FGF14: variants seen among roughly 807,000 people sequenced by gnomAD.
FGF14 encodes the protein fibroblast growth factor 14.
A neutral mutation model predicts 25.5 loss-of-function variants in FGF14; 5 were observed. That is an observed-to-expected ratio of 0.20 (90% CI 0.10 to 0.41). The LOEUF is 0.41. FGF14 is among the 10% of genes least tolerant of loss of function. The probability of loss-of-function intolerance (pLI) is 1.00; values close to 1 mark genes in which losing one functional copy is unlikely to be tolerated. For missense variants in FGF14, 222 were observed against 320.1 expected, an observed-to-expected ratio of 0.69 and a Z score of 2.34; for synonymous variants, 138 against 118.3, an observed-to-expected ratio of 1.17 and a Z score of -1.08.
intron 1 of FGF14, among the ~76,000 whole-genome samples, chr13:102,372,115 A>G (rs930493236): frequency 6.6e-6 from 1 of 152,170 alleles, no homozygotes; most frequent in African/African-American, 2.4e-5. Context: ...ATCCATTTTA[A>G]TGCTATAATT....
intron 1 of FGF14, among the ~76,000 whole-genome samples, chr13:102,307,685 CCAAT>C (rs779526246): frequency 5.3e-4 from 80 of 152,188 alleles, no homozygotes; most frequent in Non-Finnish European, 8.5e-4. Flanking sequence ...AGGCACTGTA[CCAAT>C]CATTTTCATG....
chr13:101,714,650 C>A lies in FGF14; in HGVS notation c.*8181G>T. ...GCTTTAGGTGGCTGGACCAACAGGGCCAACCGTGAATATGAAATATCTACC... is the reference window on the plus strand; with the variant it reads ...GCTTTAGGTGGCTGGACCAACAGGGACAACCGTGAATATGAAATATCTACC... On this transcript the variant is annotated 3_prime_UTR_variant, in exon 5 of 5. Transcript: ENST00000376143. 1.3e-6 allele frequency: 1 copy of A among 745,818 alleles called. No individual in the cohort carries two copies. The highest frequency in any genetic ancestry group is 1.6e-5 in the South Asian group (1 of 62,236). The allele number at this position is 745,818 out of a possible 1,614,324, so 46.2% of individuals were successfully genotyped here.
At chr13:101,966,847 C>T (rs916305833) in intron 1 of FGF14, among the ~76,000 whole-genome samples, 1 of 152,112 alleles carries the variant, frequency 6.6e-6, no homozygotes, top group Non-Finnish European at 1.5e-5. Context: ...ATACAGAAGA[C>T]AGAAGGATCG....
rs116719699 is a variant in FGF14, at chr13:102,043,517, G to A, written c.209-168221C>T. 1.1e-3 allele frequency among the ~76,000 whole-genome samples: 162 copies of A among 152,254 alleles called. 1 individual carries two copies. Among genetic ancestry groups the A allele is most frequent in the African/African-American group, 3.6e-3 (150 of 41,558 alleles). On this transcript the variant is annotated intron_variant, in intron 1 of 4. Coordinates refer to the FGF14 transcript ENST00000376131. ...CAAGTACTTGACAGTGGATGAAAGT[G>A]GAACATTTTTCCCCTAGAGGGATCA...
chr13:101,763,752 TG>T (rs1420623360), intron 3 of FGF14, among the ~76,000 whole-genome samples: 1 of 151,996 alleles, frequency 6.6e-6, no homozygotes, highest in Admixed American at 6.6e-5. Context: ...CCCAGCTACT[TG>T]GGAGGCTGAA....
At position 101,734,634 on chromosome 13, in the gene FGF14, CAAT is replaced by C. The variant is rs200787938; in HGVS notation, c.409-7827_409-7825del. On this transcript the variant is annotated intron_variant, in intron 3 of 4. Coordinates refer to ENST00000376143, the MANE Select transcript of FGF14 (RefSeq NM_004115.4). ...TTCAACTGTGTTGCCTCAATATTAA[CAAT>C]AATAATGATGTTAATAACTATAATT... 6.5e-3 allele frequency among the ~76,000 whole-genome samples: 984 copies of C among 152,188 alleles called. 7 individuals are homozygous for C. Among genetic ancestry groups the C allele is most frequent in the Non-Finnish European group, 0.01 (713 of 67,996 alleles).
chr13:102,069,093 A>C (rs964362606), intron 1 of FGF14, among the ~76,000 whole-genome samples: 1 of 150,768 alleles, frequency 6.6e-6, no homozygotes, highest in South Asian at 2.1e-4. Context: ...TGTCTAGCTC[A>C]GGGATTGTAA....
intron 1 of FGF14, among the ~76,000 whole-genome samples, chr13:102,389,707 T>C (rs976526680): frequency 2.6e-5 from 4 of 152,192 alleles, no homozygotes; most frequent in Non-Finnish European, 5.9e-5. Flanking sequence ...AATTTCCTGA[T>C]ATGGCTGCAT....
At chr13:101,791,686 C>A (rs1315790174) in intron 3 of FGF14, among the ~76,000 whole-genome samples, 1 of 152,132 alleles carries the variant, frequency 6.6e-6, no homozygotes, top group Non-Finnish European at 1.5e-5. Flanking sequence ...GACCTTTGAC[C>A]TTCCTACCCC....
chr13:102,356,148 T>G lies in FGF14; in HGVS notation c.208+45323A>C, dbSNP rs566414622. 3.3e-5 allele frequency among the ~76,000 whole-genome samples: 5 copies of G among 152,332 alleles called. No homozygotes were observed. The South Asian group carries it at 1.0e-3, about 32-fold the overall frequency. On this transcript the variant is annotated intron_variant, in intron 1 of 4. Transcript: ENST00000376131. ...GAGAAAAATAAAGAGATGAACATTT[T>G]AACAAAGGTCAAAGAAAGGAGACTT...
chr13:101,821,094 G>T (rs1478811197), intron 3 of FGF14, among the ~76,000 whole-genome samples: 2 of 148,720 alleles, frequency 1.3e-5, no homozygotes, highest in Non-Finnish European at 3.0e-5. Context: ...GAGTACAGGC[G>T]CCCGCTACCA....
intron 3 of FGF14, among the ~76,000 whole-genome samples, chr13:101,734,054 G>A (rs769434733): frequency 5.3e-5 from 8 of 151,908 alleles, no homozygotes; most frequent in South Asian, 4.2e-4. Flanking sequence ...GTGTGTGCAC[G>A]TACATTTAAA....
intron 3 of FGF14, among the ~76,000 whole-genome samples, chr13:101,848,145 T>G (rs1413861424): frequency 6.6e-6 from 1 of 152,040 alleles, no homozygotes; most frequent in East Asian, 1.9e-4. Flanking sequence ...GGATTATATT[T>G]TTTTAAAAAT....
chr13:102,247,878 G>C (rs1566860179), intron 1 of FGF14, among the ~76,000 whole-genome samples: 1 of 152,094 alleles, frequency 6.6e-6, no homozygotes, highest in African/African-American at 2.4e-5. Flanking sequence ...AGAAAATGTG[G>C]TATATATATC....
chr13:102,146,743 T>A (rs540115804), intron 1 of FGF14, among the ~76,000 whole-genome samples: 1 of 152,320 alleles, frequency 6.6e-6, no homozygotes, highest in South Asian at 2.1e-4. Flanking sequence ...TGTGTTTAAT[T>A]AAACCAAGAA....
At chr13:102,177,967 T>G (rs1291486075) in intron 1 of FGF14, among the ~76,000 whole-genome samples, 1 of 151,960 alleles carries the variant, frequency 6.6e-6, no homozygotes, top group Non-Finnish European at 1.5e-5. Context: ...ATAGCACATG[T>G]CTCTCTCAGT....
At chr13:101,831,182 A>C (rs548763646) in intron 3 of FGF14, among the ~76,000 whole-genome samples, 11 of 152,134 alleles carry the variant, frequency 7.2e-5, no homozygotes, top group Non-Finnish European at 1.3e-4. Flanking sequence ...ATGAAATGAA[A>C]CATGTCAGGC....
intron 1 of FGF14, among the ~76,000 whole-genome samples, chr13:102,327,864 A>AC: frequency 6.6e-6 from 1 of 151,740 alleles, no homozygotes; most frequent in Non-Finnish European, 1.5e-5. Flanking sequence ...ACAAACAAAA[A>AC]AAAAGGATAT....
At chr13:102,150,164 C>A (rs187185547) in intron 1 of FGF14, among the ~76,000 whole-genome samples, 6 of 152,058 alleles carry the variant, frequency 3.9e-5, no homozygotes, top group African/African-American at 1.4e-4. Flanking sequence ...GCAGTCAAGT[C>A]CCTTAGCATC....
Sources: allele counts gnomAD v4.1 joint callset (sites outside exome capture counted in the v4.1 genomes callset), GRCh38; gene constraint gnomAD v4.1.1; transcripts MANE v1.5; gene names NCBI Gene and HGNC (gene_info 2026-07-23, HGNC 2026-07-21).